Variants in CDH23 observed in about 807,000 individuals in gnomAD.
The protein encoded by CDH23 is cadherin-23.
A neutral mutation model predicts 317.1 loss-of-function variants in CDH23; 189 were observed. The ratio of observed to expected loss-of-function variants is 0.60; its 90% CI spans 0.53 to 0.67. The LOEUF is 0.67. Among genes scored for constraint, CDH23 ranks in the 30% least tolerant of loss-of-function variants. CDH23 has a pLI of 0.00. For synonymous variants in CDH23, 1,839 were observed against 1,876.8 expected, an observed-to-expected ratio of 0.98 and a Z score of 0.52; for missense variants, 4,401 against 4,592.4, an observed-to-expected ratio of 0.96 and a Z score of 1.20.
rs768251221 is a variant in CDH23, at chr10:71,566,864, C to T, written c.552C>T (p.Arg184=). ...AATTCTTCGCCATTGACAGCGCCCG[C>T]GGTATCGTCACAGTGATCCGGGAGC... is the stretch of plus-strand genomic sequence containing the variant. ...PSQFFAIDSA[R]GIVTVIRELD... The change falls in exon 7 of 70, where the codon CGC becomes CGT. Residue 184 remains arginine (R), a synonymous_variant. Transcript: ENST00000224721. 11 of 1,613,966 alleles carry T rather than the reference C, an allele frequency of 6.8e-6. No individual in the cohort carries two copies. The highest frequency in any genetic ancestry group is 1.6e-4 in the Middle Eastern group (1 of 6,062).
intron 6 of CDH23, among the ~76,000 whole-genome samples, chr10:71,542,905 C>T (rs1856062926): frequency 6.6e-6 from 1 of 152,242 alleles, no homozygotes; most frequent in East Asian, 1.9e-4. Flanking sequence ...GTGCAGGGGG[C>T]TTCTGTGAGC....
intron 19 of CDH23, among the ~76,000 whole-genome samples, chr10:71,688,840 G>C (rs1438402109): frequency 1.6e-5 from 2 of 123,226 alleles, no homozygotes; most frequent in African/African-American, 3.0e-5. Context: ...GTGGAGTCAG[G>C]GGTGGTGGAG....
At chr10:71,442,593 C>T (rs1339778679) in intron 2 of CDH23, among the ~76,000 whole-genome samples, 1 of 149,538 alleles carries the variant, frequency 6.7e-6, no homozygotes, top group Non-Finnish European at 1.5e-5. Flanking sequence ...TCCTGCCCTT[C>T]TCCCCTCTGG....
Position 71,807,598 on chromosome 10 carries a change from C to A in CDH23, c.8391C>A (p.Ala2797=), listed in dbSNP as rs1841771508. The change falls in exon 59 of 70, where the codon GCC becomes GCA. Residue 2797 remains alanine, a synonymous_variant. Transcript: ENST00000224721. ...VLRDLDRERE[A]IFSFIVKASS... is the part of the protein sequence containing the mutation. Reference sequence around the variant, plus strand: ...GGGACCTGGACCGGGAGCGAGAAGCCATCTTCTCCTTCATCGTCAAGGCCT... The same window carrying A: ...GGGACCTGGACCGGGAGCGAGAAGCAATCTTCTCCTTCATCGTCAAGGCCT... 6.2e-7 allele frequency: 1 copy of A among 1,613,870 alleles called. No individual in the cohort carries two copies. The highest frequency in any genetic ancestry group is 8.5e-7 in the Non-Finnish European group (1 of 1,179,892).
At chr10:71,524,094 C>A (rs907698896) in intron 6 of CDH23, among the ~76,000 whole-genome samples, 1 of 152,242 alleles carries the variant, frequency 6.6e-6, no homozygotes, top group African/African-American at 2.4e-5. Flanking sequence ...GCTTTCAGAG[C>A]AGCAGAGCTT....
chr10:71,751,213 C>T lies in CDH23; in HGVS notation c.4845+9292C>T. The stretch of plus-strand genomic sequence containing the variant: ...CCAGCCCTGGCTCAAATGCACCTGC[C>T]CCAGACCCAGCCACAACAGCCCACT... On this transcript the variant is annotated intron_variant, in intron 38 of 69. Coordinates refer to ENST00000224721, the MANE Select transcript of CDH23 (RefSeq NM_022124.6). The surrounding 1 kb of genome is among the most constrained non-coding windows in gnomAD (Gnocchi z 4.9). The T allele has an allele frequency of 6.3e-7, 1 of 1,595,008 alleles. No homozygotes were observed. The highest frequency in any genetic ancestry group is 8.6e-7 in the Non-Finnish European group (1 of 1,169,422).
Position 71,633,175 on chromosome 10 carries a change from C to T in CDH23, c.1135-10686C>T, listed in dbSNP as rs1180094785. Among the ~76,000 whole-genome samples, 59 of 152,012 alleles carry T rather than the reference C, an allele frequency of 3.9e-4. 1 individual carries two copies. Among genetic ancestry groups the T allele is most frequent in the Admixed American group, 3.9e-3 (59 of 15,248 alleles). Reference sequence around the variant, plus strand: ...TCATGGGTGCAGAGCCCTCACGATCCAATCACCTCTTAAAGGCCCCACCTC... The same window carrying T: ...TCATGGGTGCAGAGCCCTCACGATCTAATCACCTCTTAAAGGCCCCACCTC... On this transcript the variant is annotated intron_variant, in intron 11 of 69. Coordinates refer to ENST00000224721, the MANE Select transcript of CDH23 (RefSeq NM_022124.6).
intron 6 of CDH23, among the ~76,000 whole-genome samples, chr10:71,529,949 G>A (rs920930396): frequency 6.6e-6 from 1 of 151,752 alleles, no homozygotes; most frequent in African/African-American, 2.4e-5. Flanking sequence ...ACCCCAGCCT[G>A]CAGCTTACCC....
chr10:71,425,278 G>A, intron 1 of CDH23, among the ~76,000 whole-genome samples: 2 of 131,762 alleles, frequency 1.5e-5, no homozygotes, highest in Non-Finnish European at 1.6e-5. Flanking sequence ...AGGAAGGAAG[G>A]AAGAAAGGAA....
intron 3 of CDH23, among the ~76,000 whole-genome samples, chr10:71,449,621 T>C (rs1320589509): frequency 3.9e-5 from 6 of 152,242 alleles, no homozygotes; most frequent in African/African-American, 1.4e-4. Context: ...CTAAGTGTTT[T>C]TATGCATTAA....
At chr10:71,532,711 G>GTTTTTTTTTGTTTTTTTTTT (rs1855452212) in intron 6 of CDH23, among the ~76,000 whole-genome samples, 1 of 128,098 alleles carries the variant, frequency 7.8e-6, no homozygotes, top group Non-Finnish European at 1.8e-5. Flanking sequence ...TTTTGTTTTT[G>GTTTTTTTTTGTTTTTTTTTT]TTTTTTTTTT....
intron 28 of CDH23, among the ~76,000 whole-genome samples, chr10:71,723,528 G>A (rs1257615472): frequency 6.6e-6 from 1 of 152,228 alleles, no homozygotes; most frequent in Non-Finnish European, 1.5e-5. Context: ...TGAGCATGGA[G>A]CCATTGTGTG....
chr10:71,589,711 T>C (rs964678281), intron 9 of CDH23, among the ~76,000 whole-genome samples: 1 of 152,138 alleles, frequency 6.6e-6, no homozygotes, highest in African/African-American at 2.4e-5. Context: ...CAGGGTAGGG[T>C]GTGAGCACAC....
At chr10:71,425,186 G>C (rs954980589) in intron 1 of CDH23, among the ~76,000 whole-genome samples, 1 of 147,798 alleles carries the variant, frequency 6.8e-6, no homozygotes, top group Non-Finnish European at 1.5e-5. Flanking sequence ...GGTGGAAGGG[G>C]AGGAAACCGG....
intron 14 of CDH23, among the ~76,000 whole-genome samples, chr10:71,674,520 G>A (rs1006991673): frequency 3.9e-5 from 6 of 152,210 alleles, no homozygotes; most frequent in Admixed American, 1.3e-4. Flanking sequence ...TCTGGGAAGA[G>A]AGCAGAGGTC....
At chr10:71,699,730 G>A (rs191680771) in intron 22 of CDH23, among the ~76,000 whole-genome samples, 21 of 152,278 alleles carry the variant, frequency 1.4e-4, no homozygotes, top group African/African-American at 3.9e-4. Flanking sequence ...GAAAAATGAC[G>A]GGCGTGAAAT....
In CDH23 at chr10:71,812,491, TG is replaced by T. The variant is rs1841971727; in HGVS notation, c.9393del (p.Trp3132GlyfsTer25). The T allele has an allele frequency of 7.0e-7, 1 of 1,422,622 alleles. No homozygotes were observed. The highest frequency in any genetic ancestry group is 1.5e-5 in the African/African-American group (1 of 68,276). The allele number at this position is 1,422,622 out of a possible 1,614,324, so 88.1% of individuals were successfully genotyped here. A position where few individuals can be genotyped will look rare whatever the true frequency, so the allele number is the denominator to read the frequency against. On this transcript the variant is annotated frameshift_variant, in exon 67 of 70. Coordinates refer to ENST00000224721, the MANE Select transcript of CDH23 (RefSeq NM_022124.6). LOFTEE classifies it high-confidence loss of function. Reference protein sequence around the residue: ...NKYSFDGANPVWLDPFCRNLE... With the variant: ...NKYSFDGANPXWLDPFCRNLE... The stretch of plus-strand genomic sequence containing the variant: ...CTCCCCAACTGCAGAGCCAACCCTG[TG>T]TGGCTGGATCCCTTCTGTCGGAACC...
At chr10:71,643,034 A>G (rs1476313091) in intron 11 of CDH23, among the ~76,000 whole-genome samples, 1 of 152,218 alleles carries the variant, frequency 6.6e-6, no homozygotes, top group African/African-American at 2.4e-5. Context: ...GGTACTTACA[A>G]AGTGTTTAGA....
At position 71,730,683 on chromosome 10, in the gene CDH23, C is replaced by G. The variant is rs906162544; in HGVS notation, c.3715+79C>G. On this transcript the variant is annotated intron_variant, in intron 31 of 69. Coordinates refer to ENST00000224721, the MANE Select transcript of CDH23 (RefSeq NM_022124.6). ...AGCTCACCCAGCCCCTCCTTCGAAA[C>G]GGTCATCCCTGATGCTTCAGGCTCC... 59 of 1,573,812 alleles carry G rather than the reference C, an allele frequency of 3.7e-5. 1 individual carries two copies. In the African/African-American group the frequency reaches 6.3e-4, roughly 17 times the overall value.
Sources: allele counts gnomAD v4.1 joint callset (sites outside exome capture counted in the v4.1 genomes callset), GRCh38; gene constraint gnomAD v4.1.1; non-coding constraint Gnocchi (gnomAD v3.1); transcripts MANE v1.5; gene names NCBI Gene and HGNC (gene_info 2026-07-23, HGNC 2026-07-21).